The following OLFML2B variants were observed in gnomAD, a reference collection of about 807,000 sequenced individuals.
OLFML2B encodes the protein olfactomedin-like protein 2B.
OLFML2B carries 57 observed loss-of-function variants against 74.9 expected under a neutral mutation model. That is an observed-to-expected ratio of 0.76 (90% confidence interval 0.61 to 0.95). The LOEUF is 0.95. OLFML2B is among the 40% of genes least tolerant of loss of function. The probability of loss-of-function intolerance (pLI) is 0.00; values close to 1 mark genes in which losing one functional copy is unlikely to be tolerated. For synonymous variants in OLFML2B, 388 were observed against 405.8 expected (o/e 0.96, Z 0.53); for missense variants, 986 against 970.6 (o/e 1.02, Z -0.21).
chr1:162,018,667 AG>A (rs573926078), intron 2 of OLFML2B, among the ~76,000 whole-genome samples: 2 of 152,286 alleles, frequency 1.3e-5, no homozygotes, highest in South Asian at 4.1e-4. Context: ...GGCGGCACTG[AG>A]GGCATGCAGA....
chr1:161,989,673 C>T (rs1170667181), intron 6 of OLFML2B, among the ~76,000 whole-genome samples: 1 of 152,130 alleles, frequency 6.6e-6, no homozygotes, highest in Non-Finnish European at 1.5e-5. Context: ...ATATTTTCAC[C>T]CTCGAACTTG....
At chr1:161,998,753 G>A (rs1052015725) in intron 5 of OLFML2B, among the ~76,000 whole-genome samples, 2 of 152,200 alleles carry the variant, frequency 1.3e-5, no homozygotes, top group Non-Finnish European at 2.9e-5. Context: ...TGGTGGAGAC[G>A]CTTGATAATA....
chr1:162,011,911 G>A (rs1332326836), intron 3 of OLFML2B, among the ~76,000 whole-genome samples: 1 of 152,184 alleles, frequency 6.6e-6, no homozygotes, highest in Non-Finnish European at 1.5e-5. Context: ...CACTCGCACT[G>A]TAAGTCTCTT....
At chr1:162,013,258 C>G (rs1040113852) in intron 3 of OLFML2B, among the ~76,000 whole-genome samples, 1 of 152,206 alleles carries the variant, frequency 6.6e-6, no homozygotes, top group Non-Finnish European at 1.5e-5. Context: ...CCTTCCCCTT[C>G]CCAGCCACTC....
chr1:161,999,373 CA>C (rs916163190), intron 5 of OLFML2B, among the ~76,000 whole-genome samples: 4 of 151,660 alleles, frequency 2.6e-5, no homozygotes, highest in African/African-American at 7.3e-5. Flanking sequence ...ATCAATGACA[CA>C]AAAAAAATGA....
In OLFML2B at chr1:161,983,642, C is replaced by G; in HGVS notation, c.*33G>C. The G allele has an allele frequency of 6.3e-7, 1 of 1,579,674 alleles. No homozygotes were observed. Among genetic ancestry groups the G allele is most frequent in the Middle Eastern group, 1.7e-4 (1 of 5,924 alleles). On this transcript the variant is annotated 3_prime_UTR_variant, in exon 8 of 8. Coordinates refer to ENST00000294794, the MANE Select transcript of OLFML2B (RefSeq NM_015441.3). ...CACATACACACAAGGTGCTAGTGAC[C>G]CCTCTGTGCTTCTGCTTGTGGGGAC...
At chr1:161,989,071 C>T (rs576256645) in intron 6 of OLFML2B, among the ~76,000 whole-genome samples, 17 of 152,318 alleles carry the variant, frequency 1.1e-4, no homozygotes, top group African/African-American at 3.6e-4. Flanking sequence ...TCAGATCTCA[C>T]CAACTCTTGC....
chr1:161,985,053 AT>A, intron 6 of OLFML2B, 73 bp from the exon 7 acceptor site: 1 of 1,473,966 alleles, frequency 6.8e-7, no homozygotes, highest in South Asian at 1.3e-5. Flanking sequence ...TTTGCTGTTC[AT>A]CCATTTAGAG....
intron 3 of OLFML2B, 37 bp downstream of exon 3, chr1:162,017,363 A>G (rs1294947143): frequency 5.2e-6 from 8 of 1,534,590 alleles, no homozygotes; most frequent in Non-Finnish European, 7.2e-6. Flanking sequence ...TTTGGGCTCA[A>G]TCAAGAAAAA....
chr1:162,009,128 AG>A (rs1690308815), intron 3 of OLFML2B, among the ~76,000 whole-genome samples: 1 of 152,196 alleles, frequency 6.6e-6, no homozygotes, highest in Admixed American at 6.5e-5. Context: ...ACCCTCCATG[AG>A]GGGGAAGTAG....
intron 4 of OLFML2B, among the ~76,000 whole-genome samples, chr1:162,001,385 G>A (rs576089351): frequency 9.5e-4 from 144 of 152,182 alleles, no homozygotes; most frequent in Non-Finnish European, 1.7e-3. Flanking sequence ...TCTGCATAAG[G>A]GGGGCTGATT....
intron 6 of OLFML2B, among the ~76,000 whole-genome samples, chr1:161,990,042 A>AAGG (rs1203249843): frequency 6.6e-6 from 1 of 152,234 alleles, no homozygotes; most frequent in Non-Finnish European, 1.5e-5. Flanking sequence ...AAGAAGAGGG[A>AAGG]AGGATAGGGC....
At chr1:162,001,964 G>A (rs1690092843) in intron 4 of OLFML2B, among the ~76,000 whole-genome samples, 1 of 152,222 alleles carries the variant, frequency 6.6e-6, no homozygotes, top group Admixed American at 6.5e-5. Context: ...TGACAGCTCT[G>A]ATCATGTAGA....
intron 1 of OLFML2B, among the ~76,000 whole-genome samples, chr1:162,022,651 T>C (rs1345872909): frequency 1.3e-5 from 2 of 152,176 alleles, no homozygotes; most frequent in Non-Finnish European, 2.9e-5. Context: ...ACGGACACTT[T>C]ACGAAGCCCA....
At chr1:162,011,433 GATGGCCT>G (rs1690384634) in intron 3 of OLFML2B, among the ~76,000 whole-genome samples, 1 of 152,238 alleles carries the variant, frequency 6.6e-6, no homozygotes, top group African/African-American at 2.4e-5. Flanking sequence ...GCTACGACCA[GATGGCCT>G]GGGACAGCAA....
At chr1:162,016,371 C>A (rs551306174) in intron 3 of OLFML2B, among the ~76,000 whole-genome samples, 1 of 152,310 alleles carries the variant, frequency 6.6e-6, no homozygotes, top group African/African-American at 2.4e-5. Flanking sequence ...TGACTCCAAG[C>A]CTGCTGCTCT....
intron 4 of OLFML2B, among the ~76,000 whole-genome samples, chr1:162,002,776 T>C (rs1270344939): frequency 2.0e-5 from 3 of 152,226 alleles, no homozygotes. Context: ...CATGCTCGGC[T>C]GTGCCTGGGG....
chr1:162,020,161 C>T lies in OLFML2B; in HGVS notation c.196G>A (p.Val66Ile), dbSNP rs1260173313. ...TCCGAGCCCTCAGACATAGCCTTGA[C>T]CTTGTCATAGTCCCCCAGCAACTAG... is the stretch of plus-strand genomic sequence containing the variant. Reference protein sequence around the residue: ...LSQLLGDYDKVKAMSEGSDCQ... With the variant: ...LSQLLGDYDKIKAMSEGSDCQ... The change falls in exon 2 of 8, where the codon GTC (valine) becomes ATC (isoleucine). Residue 66 changes from valine to isoleucine, a missense_variant. Transcript: ENST00000294794. The T allele has an allele frequency of 6.2e-7, 1 of 1,614,212 alleles. No homozygotes were observed. Among genetic ancestry groups the T allele is most frequent in the Admixed American group, 1.7e-5 (1 of 60,028 alleles).
chr1:161,984,653 G>A, intron 7 of OLFML2B, 151 bp downstream of exon 7: 1 of 811,818 alleles, frequency 1.2e-6, no homozygotes, highest in Non-Finnish European at 2.0e-6. Context: ...GTGGGGAAGG[G>A]GGACCGCTCT....
Sources: gnomAD v4.1 joint callset for allele counts (sites outside exome capture counted in the v4.1 genomes callset) on GRCh38, gnomAD v4.1.1 for gene constraint, MANE v1.5 for transcripts, NCBI Gene and HGNC (gene_info 2026-07-23, HGNC 2026-07-21) for gene names.